Variants in ADA observed in about 807,000 individuals in gnomAD.
The protein encoded by ADA is adenosine deaminase.
In ADA, 45 loss-of-function variants were observed where a neutral mutation model predicts 49.0. The observed-to-expected ratio is 0.92, with a 90% CI of 0.72 to 1.18. The LOEUF (loss-of-function observed/expected upper bound fraction) is 1.18, where lower values mean the gene tolerates loss of function less well. Among genes scored for constraint, ADA ranks in the 50% most tolerant of loss-of-function variants. The probability of loss-of-function intolerance (pLI) is 0.00; values close to 1 mark genes in which losing one functional copy is unlikely to be tolerated. For missense variants in ADA, 445 were observed against 472.5 expected, an observed-to-expected ratio of 0.94 and a Z score of 0.54; for synonymous variants, 173 against 184.2, an observed-to-expected ratio of 0.94 and a Z score of 0.49.
At chr20:44,645,093 T>C (rs1012728292) in intron 1 of ADA, among the ~76,000 whole-genome samples, 1 of 152,098 alleles carries the variant, frequency 6.6e-6, no homozygotes, top group African/African-American at 2.4e-5. Flanking sequence ...TGCTAACATC[T>C]AAACAGGGGC....
intron 1 of ADA, among the ~76,000 whole-genome samples, chr20:44,638,422 A>C (rs1227081715): frequency 6.6e-6 from 1 of 151,974 alleles, no homozygotes; most frequent in African/African-American, 2.4e-5. Flanking sequence ...CTAAAAATGC[A>C]AAAAATTAGC....
chr20:44,636,385 A>AGCTC, intron 1 of ADA, 97 bp from the exon 2 acceptor site: 1 of 1,084,964 alleles, frequency 9.2e-7, no homozygotes, highest in Non-Finnish European at 1.4e-6. Context: ...GTTAACATTA[A>AGCTC]TCATGATAAC....
chr20:44,638,615 G>A (rs1344031018), intron 1 of ADA, among the ~76,000 whole-genome samples: 2 of 152,138 alleles, frequency 1.3e-5, no homozygotes, highest in Non-Finnish European at 2.9e-5. Flanking sequence ...AGTCAACGAA[G>A]GCCTGCGCTC....
intron 1 of ADA, among the ~76,000 whole-genome samples, chr20:44,641,655 G>A (rs2065535565): frequency 6.6e-6 from 1 of 152,202 alleles, no homozygotes; most frequent in Non-Finnish European, 1.5e-5. Context: ...AGAACAGGAG[G>A]ATCAGGCAGT....
At position 44,625,641 on chromosome 20, in the gene ADA, C is replaced by CCTG; in HGVS notation, c.403_405dup (p.Gln135dup). On this transcript the variant is annotated inframe_insertion, in exon 5 of 12. Coordinates refer to ENST00000372874, the MANE Select transcript of ADA (RefSeq NM_000022.4). ...AAGTCTCGCTCCCCCTCCTGCAGGC[C>CCTG]CTGGCCCACTAGGGCCACCACCTCG... The CCTG allele has an allele frequency of 6.3e-7, 1 of 1,579,318 alleles. No individual in the cohort carries two copies. Among genetic ancestry groups the CCTG allele is most frequent in the Non-Finnish European group, 8.6e-7 (1 of 1,161,944 alleles).
In ADA at chr20:44,633,142, C is replaced by A. The variant is rs199842398; in HGVS notation, c.95+3085G>T. Among the ~76,000 whole-genome samples, 3 of 152,198 alleles carry A rather than the reference C, an allele frequency of 2.0e-5. No homozygotes were observed. In the East Asian group the frequency reaches 5.8e-4, roughly 29 times the overall value. On this transcript the variant is annotated intron_variant, in intron 2 of 11. Coordinates refer to ENST00000372874, the MANE Select transcript of ADA (RefSeq NM_000022.4). ...GGAGGGAGGATGAGCTCAGGGGTTG[C>A]AGGTCAAGTCCATCTCCCACCCCTA...
intron 2 of ADA, among the ~76,000 whole-genome samples, chr20:44,629,859 A>G (rs1289612666): frequency 6.6e-6 from 1 of 152,052 alleles, no homozygotes; most frequent in African/African-American, 2.4e-5. Context: ...TTTCTCCCCA[A>G]GCATCTCGGC....
chr20:44,634,551 G>A lies in ADA; in HGVS notation c.95+1676C>T, dbSNP rs115749018. Among the ~76,000 whole-genome samples the A allele has an allele frequency of 8.1e-3, 1,227 of 152,342 alleles. 11 individuals are homozygous for A. Among genetic ancestry groups the A allele is most frequent in the African/African-American group, 0.028 (1,169 of 41,578 alleles). ...CTCATCTGTAAATGACGGCAATAGA[G>A]TTCCTATCTTACAAATTGTTGTGAG... On this transcript the variant is annotated intron_variant, in intron 2 of 11. Coordinates refer to ENST00000372874, the MANE Select transcript of ADA (RefSeq NM_000022.4).
intron 1 of ADA, 43 bp downstream of exon 1, chr20:44,651,532 C>T (rs1259560588): frequency 1.3e-6 from 2 of 1,523,148 alleles, no homozygotes; most frequent in African/African-American, 2.8e-5. Flanking sequence ...TCGGGCCGCC[C>T]AGGCGCCGGA....
Position 44,629,030 on chromosome 20 carries a change from G to T in ADA, c.218+17C>A. On this transcript the variant is annotated intron_variant, in intron 3 of 11. Coordinates refer to ENST00000372874, the MANE Select transcript of ADA (RefSeq NM_000022.4). ...GATCAATGCTGCCCTAGGACCTGTG[G>T]GTTGGGGGCAACTCACGCGATAGCA... is the stretch of plus-strand genomic sequence containing the variant. 1 of 1,614,148 alleles carries T rather than the reference G, an allele frequency of 6.2e-7. No homozygotes were observed. The highest frequency in any genetic ancestry group is 2.2e-5 in the East Asian group (1 of 44,886).
rs2065308862 is a variant in ADA, at chr20:44,619,675, G to A, written c.*159C>T. On this transcript the variant is annotated 3_prime_UTR_variant, in exon 12 of 12. Transcript: ENST00000372874. ...CAGAGAAGTGACGCGGCCATGCCGA[G>A]GTATACGTGTGTGCAGAAATGGACA... is the stretch of plus-strand genomic sequence containing the variant. 2.0e-5 allele frequency: 19 copies of A among 937,054 alleles called. No individual in the cohort carries two copies. The South Asian group carries it at 2.7e-4, about 13-fold the overall frequency. The allele number at this position is 937,054 out of a possible 1,614,324, so 58.0% of individuals were successfully genotyped here.
At chr20:44,637,438 G>C (rs1214113641) in intron 1 of ADA, among the ~76,000 whole-genome samples, 2 of 152,210 alleles carry the variant, frequency 1.3e-5, no homozygotes, top group African/African-American at 4.8e-5. Flanking sequence ...GCTGTTAGGA[G>C]AAGCACAGCA....
chr20:44,639,120 G>T (rs558549985), intron 1 of ADA, among the ~76,000 whole-genome samples: 37 of 152,322 alleles, frequency 2.4e-4, no homozygotes, highest in Middle Eastern at 3.4e-3. Context: ...GTTGGCAGCT[G>T]GTTAGAGAAA....
intron 2 of ADA, among the ~76,000 whole-genome samples, chr20:44,632,268 A>G (rs117944811): frequency 0.032 from 4,915 of 152,248 alleles, 118 homozygotes; most frequent in Non-Finnish European, 0.048. Flanking sequence ...TGGAGGTCAG[A>G]GAGCAGGCAT....
At chr20:44,621,200 A>G (rs911273156) in intron 9 of ADA, 53 bp from the exon 10 acceptor site, 1 of 1,612,536 alleles carries the variant, frequency 6.2e-7, no homozygotes, top group African/African-American at 1.3e-5. Flanking sequence ...TTACATAAAT[A>G]GTCAGAACAC....
chr20:44,620,252 TG>T (rs754544050), intron 11 of ADA, 46 bp downstream of exon 11: 15 of 1,530,178 alleles, frequency 9.8e-6, no homozygotes, highest in Non-Finnish European at 1.3e-5. Flanking sequence ...AAAGCCACAC[TG>T]GGGCCAGGAC....
chr20:44,627,560 C>T (rs941611649), intron 3 of ADA, among the ~76,000 whole-genome samples: 1 of 152,196 alleles, frequency 6.6e-6, no homozygotes, highest in Non-Finnish European at 1.5e-5. Flanking sequence ...CACTACTCAA[C>T]ATTGTGTGTC....
chr20:44,621,079 T>C lies in ADA; in HGVS notation c.914A>G (p.Asp305Gly). The change falls in exon 10 of 12, where the codon GAC (aspartate) becomes GGC (glycine). Residue 305 changes from aspartate (D) to glycine (G), a missense_variant. Coordinates refer to ENST00000372874, the MANE Select transcript of ADA (RefSeq NM_000022.4). Reference protein sequence around the residue: ...DDPLIFKSTLDTDYQMTKRDM... With the variant: ...DDPLIFKSTLGTDYQMTKRDM... ...CCGTTTGGTCATCTGGTAATCAGTGTCCAGGGTGGACTTGAAGATGAGCGG... is the reference window on the plus strand; with the variant it reads ...CCGTTTGGTCATCTGGTAATCAGTGCCCAGGGTGGACTTGAAGATGAGCGG... The C allele has an allele frequency of 6.2e-7, 1 of 1,614,198 alleles. No homozygotes were observed. Among genetic ancestry groups the C allele is most frequent in the Non-Finnish European group, 8.5e-7 (1 of 1,180,042 alleles).
chr20:44,626,384 C>T (rs374705099), intron 4 of ADA, 72 bp downstream of exon 4: 40 of 1,605,336 alleles, frequency 2.5e-5, no homozygotes, highest in South Asian at 1.4e-4. Context: ...CCCAGCAGTT[C>T]GCCCTTCCAG....
Sources: gnomAD v4.1 joint callset for allele counts (sites outside exome capture counted in the v4.1 genomes callset) on GRCh38, gnomAD v4.1.1 for gene constraint, MANE v1.5 for transcripts, NCBI Gene and HGNC (gene_info 2026-07-23, HGNC 2026-07-21) for gene names.